The following AGAP1 variants were observed in gnomAD, a reference collection of about 807,000 sequenced individuals.
AGAP1 encodes arf-GAP with GTPase, ANK repeat and PH domain-containing protein 1.
AGAP1 carries 29 observed loss-of-function variants against 105.3 expected under a neutral mutation model. The observed-to-expected ratio is 0.28, with a 90% CI of 0.21 to 0.38. The LOEUF is 0.38. Ranked by LOEUF, AGAP1 falls within the 10% of genes least tolerant of loss-of-function variation. AGAP1 has a pLI of 1.00. For synonymous variants in AGAP1, 509 were observed against 485.9 expected, an observed-to-expected ratio of 1.05 and a Z score of -0.63; for missense variants, 998 against 1,165.1, an observed-to-expected ratio of 0.86 and a Z score of 2.09.
At chr2:235,508,939 G>A (rs553077780) in intron 1 of AGAP1, among the ~76,000 whole-genome samples, 8 of 152,342 alleles carry the variant, frequency 5.3e-5, no homozygotes, top group African/African-American at 9.6e-5. Flanking sequence ...GTGCACGGGC[G>A]GGATGCCGAG....
Position 235,842,610 on chromosome 2 carries a change from C to T in AGAP1, c.1050+35279C>T, listed in dbSNP as rs558562454. On this transcript the variant is annotated intron_variant, in intron 9 of 17. Coordinates refer to ENST00000304032, the MANE Select transcript of AGAP1 (RefSeq NM_001037131.3). The surrounding 1 kb of genome is among the most constrained non-coding windows in gnomAD (Gnocchi z 5.3). ...AAACCTAATACTTTGAGAAGGGATCCTTTGGGACGTGCCAAAAAAGACCCA... is the reference window on the plus strand; with the variant it reads ...AAACCTAATACTTTGAGAAGGGATCTTTTGGGACGTGCCAAAAAAGACCCA... 6.6e-6 allele frequency among the ~76,000 whole-genome samples: 1 copy of T among 152,312 alleles called. No homozygotes were observed. The highest frequency in any genetic ancestry group is 2.4e-5 in the African/African-American group (1 of 41,556).
intron 1 of AGAP1, among the ~76,000 whole-genome samples, chr2:235,654,063 CA>C (rs1947697531): frequency 1.3e-5 from 2 of 152,136 alleles, no homozygotes; most frequent in African/African-American, 4.8e-5. Context: ...CTCAACAAAA[CA>C]AAAACAATCC....
At chr2:235,909,326 T>G (rs548543696) in intron 11 of AGAP1, among the ~76,000 whole-genome samples, 1 of 152,338 alleles carries the variant, frequency 6.6e-6, no homozygotes, top group East Asian at 1.9e-4. Context: ...ATATAAAATG[T>G]AAATTCTGTG....
rs1950920573 is a variant in AGAP1, at chr2:235,712,836, A to ACTTC, written c.222+3601_222+3604dup. Among the ~76,000 whole-genome samples the ACTTC allele has an allele frequency of 6.6e-6, 1 of 152,180 alleles. No homozygotes were observed. Among genetic ancestry groups the ACTTC allele is most frequent in the Non-Finnish European group, 1.5e-5 (1 of 68,028 alleles). On this transcript the variant is annotated intron_variant, in intron 2 of 17. Coordinates refer to ENST00000304032, the MANE Select transcript of AGAP1 (RefSeq NM_001037131.3). The surrounding 1 kb of genome is among the most constrained non-coding windows in gnomAD (Gnocchi z 6.0). ...GGATTGATTTCCTCCGTCTTGGTTT[A>ACTTC]CTTCCAGCAGTCGCTCCGACAGCTT...
At chr2:235,813,938 G>A (rs1575534933) in intron 9 of AGAP1, among the ~76,000 whole-genome samples, 3 of 152,298 alleles carry the variant, frequency 2.0e-5, no homozygotes, top group South Asian at 2.1e-4. Context: ...CTCAGTGGCC[G>A]GACTCTCCTC....
chr2:235,839,752 G>T (rs949928520), intron 9 of AGAP1, among the ~76,000 whole-genome samples: 1 of 152,164 alleles, frequency 6.6e-6, no homozygotes, highest in Non-Finnish European at 1.5e-5. Context: ...GGGCTCCTAC[G>T]TGTACCTCCT....
intron 6 of AGAP1, among the ~76,000 whole-genome samples, chr2:235,784,129 G>A (rs2149957188): frequency 6.6e-6 from 1 of 152,160 alleles, no homozygotes; most frequent in African/African-American, 2.4e-5. Context: ...ATAAAATATA[G>A]GGGGAAATCA....
At chr2:235,584,193 C>CTTTTTTTTTTT (rs11447483) in intron 1 of AGAP1, among the ~76,000 whole-genome samples, 1 of 139,986 alleles carries the variant, frequency 7.1e-6, no homozygotes, top group Non-Finnish European at 1.5e-5. Flanking sequence ...CAATAAACCA[C>CTTTTTTTTTTT]TTTTTTTTTT....
rs1318138894 is a variant in AGAP1, at chr2:235,996,723, C to T, written c.1645+28100C>T. Among the ~76,000 whole-genome samples, 3 of 152,316 alleles carry T rather than the reference C, an allele frequency of 2.0e-5. No individual in the cohort carries two copies. In the East Asian group the frequency reaches 5.8e-4, roughly 30 times the overall value. Reference sequence around the variant, plus strand: ...TCTGGAGATGCCAAGGGCCTGAAATCTGTGTGTAGGTTTATGTAGACAGAA... The same window carrying T: ...TCTGGAGATGCCAAGGGCCTGAAATTTGTGTGTAGGTTTATGTAGACAGAA... On this transcript the variant is annotated intron_variant, in intron 13 of 17. Transcript: ENST00000304032.
intron 16 of AGAP1, among the ~76,000 whole-genome samples, chr2:236,098,639 T>TTTTTTTA (rs1390073674): frequency 2.6e-5 from 3 of 113,478 alleles, no homozygotes; most frequent in African/African-American, 9.0e-5. Flanking sequence ...TTTTTTTTTT[T>TTTTTTTA]AGAGAAACAG....
At chr2:235,772,296 A>G (rs1955523102) in intron 6 of AGAP1, among the ~76,000 whole-genome samples, 1 of 152,122 alleles carries the variant, frequency 6.6e-6, no homozygotes, top group South Asian at 2.1e-4. Context: ...CCAACCCCAG[A>G]TATTTCTTAT....
chr2:235,705,026 T>C lies in AGAP1; in HGVS notation c.164-4153T>C, dbSNP rs572982618. Reference sequence around the variant, plus strand: ...CAGAGTCTCACTCTGTTGCCCAGGCTGGAGTGCAATGGTGGGATCTCGGCT... The same window carrying C: ...CAGAGTCTCACTCTGTTGCCCAGGCCGGAGTGCAATGGTGGGATCTCGGCT... On this transcript the variant is annotated intron_variant, in intron 1 of 17. Coordinates refer to ENST00000304032, the MANE Select transcript of AGAP1 (RefSeq NM_001037131.3). This position sits in a 1 kb window ranked among gnomAD's most constrained non-coding sequence, Gnocchi z 4.9. 1.5e-5 allele frequency among the ~76,000 whole-genome samples: 2 copies of C among 133,108 alleles called. 1 individual carries two copies. Among genetic ancestry groups the C allele is most frequent in the East Asian group, 5.4e-4 (2 of 3,674 alleles). The allele number at this position is 133,108 out of a possible 152,430, so 87.3% of individuals were successfully genotyped here.
chr2:235,666,285 C>T (rs571985438), intron 1 of AGAP1, among the ~76,000 whole-genome samples: 2 of 152,072 alleles, frequency 1.3e-5, no homozygotes, highest in South Asian at 4.2e-4. Context: ...GTTTAAAAAG[C>T]CACAGGAAAA....
intron 9 of AGAP1, among the ~76,000 whole-genome samples, chr2:235,831,457 A>G (rs969171765): frequency 6.6e-6 from 1 of 152,206 alleles, no homozygotes; most frequent in African/African-American, 2.4e-5. Flanking sequence ...TGCCCTAAAA[A>G]TCCTGTGGTC....
chr2:235,806,365 CATAAT>C (rs1360774248), intron 8 of AGAP1, among the ~76,000 whole-genome samples: 1 of 152,206 alleles, frequency 6.6e-6, no homozygotes, highest in Non-Finnish European at 1.5e-5. Flanking sequence ...ATCTTTCTCT[CATAAT>C]AAAATAAATC....
intron 1 of AGAP1, among the ~76,000 whole-genome samples, chr2:235,679,812 G>C (rs1369528382): frequency 1.3e-5 from 2 of 152,306 alleles, no homozygotes; most frequent in East Asian, 3.9e-4. Flanking sequence ...CTTGTTGGGC[G>C]TGACTTTTAG....
At chr2:235,661,611 C>G (rs1337125434) in intron 1 of AGAP1, among the ~76,000 whole-genome samples, 2 of 152,166 alleles carry the variant, frequency 1.3e-5, no homozygotes, top group African/African-American at 4.8e-5. Flanking sequence ...GGACTTGGGG[C>G]TTCCGATGCT....
In AGAP1 at chr2:235,927,474, T is replaced by G. The variant is rs6736972; in HGVS notation, c.1325-3291T>G. On this transcript the variant is annotated intron_variant, in intron 11 of 17. Transcript: ENST00000304032. The surrounding 1 kb of genome is among the most constrained non-coding windows in gnomAD (Gnocchi z 4.4). ...GCATTCACAGCAGAGTCCTGTTGTT[T>G]CCTAGTGTGTAGGCTTGAAGGAATC... is the stretch of plus-strand genomic sequence containing the variant. Among the ~76,000 whole-genome samples, 40 of 152,334 alleles carry G rather than the reference T, an allele frequency of 2.6e-4. No individual in the cohort carries two copies. Among genetic ancestry groups the G allele is most frequent in the African/African-American group, 9.6e-4 (40 of 41,572 alleles).
In AGAP1 at chr2:235,789,714, G is replaced by A. The variant is rs749027451; in HGVS notation, c.674-8045G>A. ...GATTACTTTGATATACGCAAGGTAA[G>A]TCAACAAAGGATTACCACCCACCGA... On this transcript the variant is annotated intron_variant, in intron 6 of 17. Coordinates refer to ENST00000304032, the MANE Select transcript of AGAP1 (RefSeq NM_001037131.3). The surrounding 1 kb of genome is among the most constrained non-coding windows in gnomAD (Gnocchi z 4.2). 1.8e-4 allele frequency among the ~76,000 whole-genome samples: 28 copies of A among 152,154 alleles called. No individual in the cohort carries two copies. Among genetic ancestry groups the A allele is most frequent in the Non-Finnish European group, 3.5e-4 (24 of 68,020 alleles).
Sources: gnomAD v4.1 joint callset for allele counts (sites outside exome capture counted in the v4.1 genomes callset) on GRCh38, gnomAD v4.1.1 for gene constraint, Gnocchi (gnomAD v3.1) non-coding constraint, MANE v1.5 for transcripts, NCBI Gene and HGNC (gene_info 2026-07-23, HGNC 2026-07-21) for gene names.